Variants in POC1B observed in about 807,000 individuals in gnomAD.
POC1B encodes the protein POC1 centriolar protein B.
POC1B carries 44 observed loss-of-function variants against 60.6 expected under a neutral mutation model. That is an observed-to-expected ratio of 0.73 (90% CI 0.57 to 0.93). The LOEUF is 0.93. Among genes scored for constraint, POC1B ranks in the 40% least tolerant of loss-of-function variants. The pLI, the probability that POC1B is intolerant of heterozygous loss-of-function variation, is 0.00. For missense variants in POC1B, 555 were observed against 572.3 expected, an observed-to-expected ratio of 0.97 and a Z score of 0.31; for synonymous variants, 180 against 198.9, an observed-to-expected ratio of 0.90 and a Z score of 0.80.
intron 2 of POC1B, chr12:89,524,832 A>G (rs2135783968): frequency 1.6e-6 from 1 of 615,438 alleles, no homozygotes; most frequent in Admixed American, 3.0e-5. Flanking sequence ...GGCCGAGGAG[A>G]AACCCCTCCC....
chr12:89,480,595 A>ATTTTTT (rs765505677), intron 4 of POC1B, among the ~76,000 whole-genome samples: 76 of 69,816 alleles, frequency 1.1e-3, no homozygotes, highest in Non-Finnish European at 1.4e-3. Flanking sequence ...TAATTTTTGT[A>ATTTTTT]TTTTTTTTTT....
intron 2 of POC1B, chr12:89,519,780 A>G (rs1870692889): frequency 7.0e-6 from 1 of 143,204 alleles, no homozygotes; most frequent in South Asian, 2.4e-4. Context: ...ATTTTGAGTT[A>G]TAGGGATCCT....
intron 11 of POC1B, among the ~76,000 whole-genome samples, chr12:89,424,686 TTG>T (rs1880682408): frequency 6.6e-6 from 1 of 152,212 alleles, no homozygotes; most frequent in African/African-American, 2.4e-5. Context: ...TTAAGATGCA[TTG>T]TATTTTTCTT....
At chr12:89,466,616 T>C in intron 9 of POC1B, 154 bp downstream of exon 9, 1 of 622,040 alleles carries the variant, frequency 1.6e-6, no homozygotes. Flanking sequence ...TAAAACTTTA[T>C]TACACACTAT....
the POC1B span, among the ~76,000 whole-genome samples, chr12:89,407,248 G>A: frequency 6.6e-6 from 1 of 151,560 alleles, no homozygotes; most frequent in South Asian, 2.1e-4. Flanking sequence ...GTCGGAGGGT[G>A]GGCGGATGGA....
intron 10 of POC1B, among the ~76,000 whole-genome samples, chr12:89,442,046 G>A (rs1322176764): frequency 6.6e-6 from 1 of 152,140 alleles, no homozygotes; most frequent in African/African-American, 2.4e-5. Flanking sequence ...GAAGCGAGAA[G>A]TTTAGAGAAA....
intron 9 of POC1B, chr12:89,460,644 A>G (rs559613785): frequency 3.4e-4 from 52 of 152,326 alleles, no homozygotes; most frequent in African/African-American, 1.2e-3. Flanking sequence ...ACAGCAGTGA[A>G]AACAATTTAT....
intron 9 of POC1B, chr12:89,460,971 A>T (rs1178564377): frequency 6.6e-6 from 1 of 152,212 alleles, no homozygotes; most frequent in African/African-American, 2.4e-5. Flanking sequence ...GTTTTATATC[A>T]AATGAATGGT....
At chr12:89,502,527 G>A in intron 2 of POC1B, 1 of 1,107,828 alleles carries the variant, frequency 9.0e-7, no homozygotes, top group Non-Finnish European at 1.4e-6. Context: ...AACGATGAAA[G>A]AAAGACTAGC....
chr12:89,480,624 C>T (rs1386891926), intron 4 of POC1B, among the ~76,000 whole-genome samples: 3 of 107,970 alleles, frequency 2.8e-5, no homozygotes, highest in Non-Finnish European at 5.4e-5. Flanking sequence ...TTTTTTGAGA[C>T]GGAGTCTCAC....
At chr12:89,516,988 T>A (rs956675031) in intron 2 of POC1B, among the ~76,000 whole-genome samples, 3 of 152,132 alleles carry the variant, frequency 2.0e-5, no homozygotes, top group African/African-American at 7.2e-5. Flanking sequence ...CTACAAAGAC[T>A]TTTTCCTCCC....
chr12:89,458,018 C>T (rs1029477611), intron 10 of POC1B, among the ~76,000 whole-genome samples: 1 of 152,192 alleles, frequency 6.6e-6, no homozygotes, highest in Admixed American at 6.5e-5. Flanking sequence ...ATAGCACTGT[C>T]TGTCAAAACT....
In POC1B at chr12:89,492,066, C is replaced by T. The variant is rs766202849; in HGVS notation, c.322G>A (p.Val108Ile). Residue 108 changes from valine to isoleucine, a missense_variant, in exon 4 of 12, where the codon GTA becomes ATA. By Grantham distance (29) the Val-to-Ile change is conservative (BLOSUM62 3). Transcript: ENST00000313546. Reference protein sequence around the residue: ...FKAHTAPVRSVDFSADGQFLA... With the variant: ...FKAHTAPVRSIDFSADGQFLA... ...AACTGGCCATCAGCTGAAAAGTCTACACTTCGAACTGGAGCTGTATGAGCT... is the reference window on the plus strand; with the variant it reads ...AACTGGCCATCAGCTGAAAAGTCTATACTTCGAACTGGAGCTGTATGAGCT... 7 of 1,604,852 alleles carry T rather than the reference C, an allele frequency of 4.4e-6. No individual in the cohort carries two copies. In the East Asian group the frequency reaches 1.1e-4, roughly 26 times the overall value.
chr12:89,463,940 A>G (rs1381922093), intron 9 of POC1B, among the ~76,000 whole-genome samples: 1 of 152,196 alleles, frequency 6.6e-6, no homozygotes, highest in Non-Finnish European at 1.5e-5. Context: ...AAAAGGCCAA[A>G]CTATTTTACT....
At chr12:89,408,397 G>T in the POC1B span, among the ~76,000 whole-genome samples, 1 of 152,044 alleles carries the variant, frequency 6.6e-6, no homozygotes, top group African/African-American at 2.4e-5. Context: ...CTTCCACAAT[G>T]GCTGAACTAA....
At chr12:89,520,694 G>T (rs1245131904) in intron 2 of POC1B, 2 of 152,088 alleles carry the variant, frequency 1.3e-5, no homozygotes, top group Non-Finnish European at 2.9e-5. Flanking sequence ...TTATCCTAAA[G>T]AATTTCCTTA....
At chr12:89,421,403 G>T in intron 11 of POC1B, 146 bp from the exon 12 acceptor site, 1 of 597,748 alleles carries the variant, frequency 1.7e-6, no homozygotes, top group Non-Finnish European at 2.9e-6. Flanking sequence ...CCCAGAACTT[G>T]CTGTGCTTCT....
intron 10 of POC1B, among the ~76,000 whole-genome samples, chr12:89,453,051 T>C (rs949882854): frequency 1.3e-5 from 2 of 152,206 alleles, no homozygotes; most frequent in African/African-American, 4.8e-5. Context: ...AAAATATTAA[T>C]GTGTTTTCTG....
At chr12:89,507,840 G>A (rs10858888) in intron 2 of POC1B, among the ~76,000 whole-genome samples, 42,563 of 152,136 alleles carry the variant, frequency 0.28, 6,478 homozygotes, top group Non-Finnish European at 0.35. Flanking sequence ...CTCACTCATT[G>A]ATTTGACCAA....
Sources: gnomAD v4.1 joint callset for allele counts (sites outside exome capture counted in the v4.1 genomes callset) on GRCh38, gnomAD v4.1.1 for gene constraint, MANE v1.5 for transcripts, NCBI Gene and HGNC (gene_info 2026-07-23, HGNC 2026-07-21) for gene names.